The following ATP2B1 variants were observed in gnomAD, a reference collection of about 807,000 sequenced individuals.
The protein encoded by ATP2B1 is plasma membrane calcium-transporting ATPase 1.
Under a neutral mutation model 124.2 loss-of-function variants are expected in ATP2B1, and 14 were observed. That is an observed-to-expected ratio of 0.11 (90% confidence interval 0.07 to 0.18). ATP2B1 has a LOEUF of 0.18. ATP2B1 is among the 10% of genes least tolerant of loss of function. The pLI is 1.00. For synonymous variants in ATP2B1, 449 were observed against 492.4 expected (o/e 0.91, Z 1.17); for missense variants, 763 against 1,466.1 (o/e 0.52, Z 7.83).
At chr12:89,615,863 T>G (rs1388684840) in intron 12 of ATP2B1, among the ~76,000 whole-genome samples, 1 of 152,210 alleles carries the variant, frequency 6.6e-6, no homozygotes, top group South Asian at 2.1e-4. Flanking sequence ...TTTTTAAACA[T>G]GTCTAACGCT....
intron 3 of ATP2B1, among the ~76,000 whole-genome samples, chr12:89,639,526 A>G (rs375068103): frequency 6.6e-6 from 1 of 150,494 alleles, no homozygotes; most frequent in African/African-American, 2.4e-5. Context: ...GTCTCTCTCT[A>G]TATATTTTAT....
chr12:89,616,345 AT>A (rs1456936117), intron 12 of ATP2B1, among the ~76,000 whole-genome samples: 1 of 152,218 alleles, frequency 6.6e-6, no homozygotes, highest in Non-Finnish European at 1.5e-5. Context: ...ATTAAATAAA[AT>A]TTAAAAATCC....
At chr12:89,700,265 G>A (rs540579471) in intron 1 of ATP2B1, among the ~76,000 whole-genome samples, 1 of 152,202 alleles carries the variant, frequency 6.6e-6, no homozygotes, top group Admixed American at 6.5e-5. Flanking sequence ...TGATGCTAGA[G>A]GAGCTCCCTT....
intron 9 of ATP2B1, among the ~76,000 whole-genome samples, chr12:89,623,147 T>C (rs561504367): frequency 6.6e-6 from 1 of 152,268 alleles, no homozygotes; most frequent in South Asian, 2.1e-4. Flanking sequence ...AAAAAAATTC[T>C]TATCAAGACA....
chr12:89,623,872 C>T (rs999921582), intron 9 of ATP2B1, among the ~76,000 whole-genome samples: 8 of 152,008 alleles, frequency 5.3e-5, no homozygotes, highest in Admixed American at 4.6e-4. Context: ...ATTTTACAGA[C>T]GGGAAAGAGG....
At chr12:89,626,749 G>A in intron 7 of ATP2B1, 134 bp from the exon 8 acceptor site, 3 of 982,554 alleles carry the variant, frequency 3.1e-6, no homozygotes, top group South Asian at 4.1e-5. Flanking sequence ...GTGAGTGTGT[G>A]TGTGTGTCTA....
intron 1 of ATP2B1, among the ~76,000 whole-genome samples, chr12:89,690,674 G>A (rs1361263293): frequency 1.3e-5 from 2 of 151,386 alleles, no homozygotes; most frequent in Non-Finnish European, 2.9e-5. Flanking sequence ...TGATTATTGT[G>A]CTTTTCTACT....
intron 1 of ATP2B1, among the ~76,000 whole-genome samples, chr12:89,705,143 T>C (rs952050644): frequency 1.3e-5 from 2 of 152,140 alleles, no homozygotes; most frequent in African/African-American, 4.8e-5. Context: ...GTGGTATGTA[T>C]AGATAACATT....
chr12:89,651,058 T>C (rs1885183087), intron 2 of ATP2B1, among the ~76,000 whole-genome samples: 1 of 152,220 alleles, frequency 6.6e-6, no homozygotes, highest in Non-Finnish European at 1.5e-5. Context: ...AAGCCTCAAT[T>C]CCAGTTCACT....
In ATP2B1 at chr12:89,603,718, A is replaced by G. The variant is rs754837933; in HGVS notation, c.2842T>C (p.Phe948Leu). ...YQLVVVFTLL[F>L]AGEKFFDIDS... ...TTAGACACTGAATTCTTACCAGCAAATAAGAGTGTAAAGACTACTACAAGT... is the reference window on the plus strand; with the variant it reads ...TTAGACACTGAATTCTTACCAGCAAGTAAGAGTGTAAAGACTACTACAAGT... The change falls in exon 17 of 21, where the codon TTT (phenylalanine) becomes CTT (leucine). Residue 948 changes from phenylalanine (F) to leucine (L), a missense_variant. This residue lies in a region of ATP2B1 where 118 missense variants were observed against 240.3 expected (regional missense o/e 0.49). Coordinates refer to ENST00000428670, the MANE Select transcript of ATP2B1 (RefSeq NM_001366521.1). This position sits in a 1 kb window ranked among gnomAD's most constrained non-coding sequence, Gnocchi z 4.3. 2 of 1,611,876 alleles carry G rather than the reference A, an allele frequency of 1.2e-6. No homozygotes were observed. The highest frequency in any genetic ancestry group is 2.2e-5 in the East Asian group (1 of 44,872).
chr12:89,642,075 G>A (rs916438413), intron 3 of ATP2B1, 83 bp downstream of exon 3: 7 of 1,340,290 alleles, frequency 5.2e-6, no homozygotes, highest in Non-Finnish European at 7.3e-6. Flanking sequence ...AATAAATGCT[G>A]GCCAGCTATT....
At chr12:89,693,394 T>C (rs1890756481) in intron 1 of ATP2B1, among the ~76,000 whole-genome samples, 1 of 152,236 alleles carries the variant, frequency 6.6e-6, no homozygotes, top group African/African-American at 2.4e-5. Context: ...CATTCATTTA[T>C]TAAGTACTAA....
chr12:89,674,735 AT>A (rs1394367984), intron 1 of ATP2B1, among the ~76,000 whole-genome samples: 1 of 152,188 alleles, frequency 6.6e-6, no homozygotes, highest in Non-Finnish European at 1.5e-5. Context: ...TCACACAACT[AT>A]TAAGGGGCAG....
chr12:89,637,416 A>AT (rs112164038), intron 3 of ATP2B1, among the ~76,000 whole-genome samples: 248 of 149,426 alleles, frequency 1.7e-3, no homozygotes, highest in Middle Eastern at 3.5e-3. Context: ...TTAAATTTTA[A>AT]TTTTTTCTTT....
chr12:89,679,552 A>T (rs1889084110), intron 1 of ATP2B1, among the ~76,000 whole-genome samples: 1 of 152,190 alleles, frequency 6.6e-6, no homozygotes, highest in African/African-American at 2.4e-5. Flanking sequence ...TAAGAAGTAC[A>T]AATAAAACCA....
chr12:89,665,905 T>C (rs1252630951), intron 1 of ATP2B1, among the ~76,000 whole-genome samples: 1 of 152,228 alleles, frequency 6.6e-6, no homozygotes, highest in African/African-American at 2.4e-5. Flanking sequence ...GAGGGAGGCA[T>C]AACTCTTATC....
chr12:89,624,107 A>T, intron 9 of ATP2B1, 76 bp downstream of exon 9: 1 of 1,276,852 alleles, frequency 7.8e-7, no homozygotes. Context: ...GCAGAAAAGG[A>T]GTAACTAGAT....
At chr12:89,632,556 A>T (rs563533458) in intron 5 of ATP2B1, among the ~76,000 whole-genome samples, 1 of 152,320 alleles carries the variant, frequency 6.6e-6, no homozygotes, top group East Asian at 1.9e-4. Context: ...ACCACAGGTA[A>T]TCAGATGTTG....
At chr12:89,597,357 G>T (rs997883518) in intron 20 of ATP2B1, among the ~76,000 whole-genome samples, 3 of 152,100 alleles carry the variant, frequency 2.0e-5, no homozygotes, top group African/African-American at 7.2e-5. Flanking sequence ...TAATGTTAGC[G>T]AGTCACTTGG....
Sources: allele counts gnomAD v4.1 joint callset (sites outside exome capture counted in the v4.1 genomes callset), GRCh38; gene constraint gnomAD v4.1.1; regional missense constraint gnomAD v4.1.1; non-coding constraint Gnocchi (gnomAD v3.1); transcripts MANE v1.5; gene names NCBI Gene and HGNC (gene_info 2026-07-23, HGNC 2026-07-21).